Variants in PLCH1 observed in about 807,000 individuals in gnomAD.
The protein encoded by PLCH1 is 1-phosphatidylinositol 4,5-bisphosphate phosphodiesterase eta-1.
Under a neutral mutation model 126.7 loss-of-function variants are expected in PLCH1, and 60 were observed. That is an observed-to-expected ratio of 0.47 (90% confidence interval 0.38 to 0.59). The LOEUF (loss-of-function observed/expected upper bound fraction) is 0.59, where lower values mean the gene tolerates loss of function less well. PLCH1 is among the 20% of genes least tolerant of loss of function. The pLI, the probability that PLCH1 is intolerant of heterozygous loss-of-function variation, is 0.00. For synonymous variants in PLCH1, 719 were observed against 734.9 expected (o/e 0.98, Z 0.35); for missense variants, 1,723 against 2,040.0 (o/e 0.84, Z 2.99).
At chr3:155,715,247 C>A (rs1747417297) in intron 1 of PLCH1, among the ~76,000 whole-genome samples, 1 of 152,070 alleles carries the variant, frequency 6.6e-6, no homozygotes, top group Non-Finnish European at 1.5e-5. Context: ...ATATTGCTAG[C>A]TTTTACAGTA....
intron 21 of PLCH1, among the ~76,000 whole-genome samples, chr3:155,465,041 G>C (rs1386800641): frequency 6.6e-6 from 1 of 151,386 alleles, no homozygotes; most frequent in South Asian, 2.1e-4. Flanking sequence ...CCTGGGAGGT[G>C]GAGCTTGCAA....
intron 8 of PLCH1, among the ~76,000 whole-genome samples, chr3:155,555,241 T>C (rs2108473396): frequency 6.6e-6 from 1 of 152,378 alleles, no homozygotes; most frequent in East Asian, 1.9e-4. Context: ...AATCATTCAC[T>C]AACCCTGTTT....
intron 10 of PLCH1, among the ~76,000 whole-genome samples, chr3:155,536,532 C>G (rs1723378361): frequency 6.6e-6 from 1 of 152,088 alleles, no homozygotes; most frequent in African/African-American, 2.4e-5. Flanking sequence ...GCAAAATACA[C>G]TGGAAAGTTT....
chr3:155,609,611 C>G (rs1405226874), intron 2 of PLCH1, among the ~76,000 whole-genome samples: 1 of 151,430 alleles, frequency 6.6e-6, no homozygotes, highest in African/African-American at 2.4e-5. Flanking sequence ...CAAGAAGATA[C>G]CAGAGAAAGG....
At chr3:155,716,666 C>T (rs1747534207) in intron 1 of PLCH1, among the ~76,000 whole-genome samples, 1 of 152,196 alleles carries the variant, frequency 6.6e-6, no homozygotes, top group Non-Finnish European at 1.5e-5. Flanking sequence ...CAAGGCATGA[C>T]AGCACCATGT....
chr3:155,481,088 C>G lies in PLCH1; in HGVS notation c.4938G>C (p.Glu1646Asp), dbSNP rs370336018. 3 of 1,614,084 alleles carry G rather than the reference C, an allele frequency of 1.9e-6. No homozygotes were observed. The highest frequency in any genetic ancestry group is 2.7e-5 in the African/African-American group (2 of 74,948). Reference sequence around the variant, plus strand: ...CATAGTGAAGAGCCGTGCATGCCCCCTCTGGGATGCCCCGGCCTTCAAGGC... The same window carrying G: ...CATAGTGAAGAGCCGTGCATGCCCCGTCTGGGATGCCCCGGCCTTCAAGGC... ...GGGLEGRGIPEGACTALHYGH... is the reference protein window; with the variant it reads ...GGGLEGRGIPDGACTALHYGH... Residue 1646 changes from glutamate to aspartate, a missense_variant, in exon 23 of 23, where the codon GAG (glutamate) becomes GAC (aspartate). By Grantham distance (45) the Glu-to-Asp change is conservative (BLOSUM62 2). This residue lies in a region of PLCH1 where 947 missense variants were observed against 977.1 expected (regional missense o/e 0.97). Transcript: ENST00000460012. This position sits in a 1 kb window ranked among gnomAD's most constrained non-coding sequence, Gnocchi z 4.2.
chr3:155,626,756 G>C (rs1247291516), intron 2 of PLCH1, among the ~76,000 whole-genome samples: 2 of 102,984 alleles, frequency 1.9e-5, no homozygotes, highest in African/African-American at 7.9e-5. Context: ...GCCACAGAGC[G>C]AGACTCCGTC....
At chr3:155,603,115 T>C (rs1287080812) in intron 2 of PLCH1, among the ~76,000 whole-genome samples, 1 of 151,920 alleles carries the variant, frequency 6.6e-6, no homozygotes, top group Admixed American at 6.6e-5. Context: ...CACTGATCAT[T>C]GAACTGTGAA....
chr3:155,715,290 C>G (rs1489524469), intron 1 of PLCH1, among the ~76,000 whole-genome samples: 1 of 151,368 alleles, frequency 6.6e-6, no homozygotes, highest in Non-Finnish European at 1.5e-5. Flanking sequence ...TTATTACTAT[C>G]ATTTCCTTCC....
chr3:155,498,501 C>T (rs543481191), intron 14 of PLCH1, among the ~76,000 whole-genome samples: 16 of 152,278 alleles, frequency 1.1e-4, no homozygotes, highest in African/African-American at 3.9e-4. Context: ...AGGCTGGATT[C>T]CCACTGTGAC....
chr3:155,710,599 G>A (rs1158467107), intron 1 of PLCH1, among the ~76,000 whole-genome samples: 2 of 152,062 alleles, frequency 1.3e-5, no homozygotes, highest in South Asian at 4.1e-4. Flanking sequence ...TTGGGAGGCC[G>A]AGGTGGGCAG....
At chr3:155,505,891 G>GTTT (rs545714401) in intron 12 of PLCH1, among the ~76,000 whole-genome samples, 2 of 147,994 alleles carry the variant, frequency 1.4e-5, no homozygotes, top group African/African-American at 5.0e-5. Flanking sequence ...CTCTTGGTCC[G>GTTT]CTTTTTTTTT....
intron 2 of PLCH1, among the ~76,000 whole-genome samples, chr3:155,693,664 T>G (rs546793444): frequency 6.6e-6 from 1 of 152,332 alleles, no homozygotes; most frequent in East Asian, 1.9e-4. Flanking sequence ...ATGTGGTGGC[T>G]CATGCCTGTA....
At chr3:155,491,950 G>A (rs978062525) in intron 18 of PLCH1, among the ~76,000 whole-genome samples, 8 of 152,166 alleles carry the variant, frequency 5.3e-5, no homozygotes, top group Non-Finnish European at 7.3e-5. Flanking sequence ...AGTTCTGGGC[G>A]ACGAACAATG....
chr3:155,506,601 T>A (rs1294889150), intron 12 of PLCH1, among the ~76,000 whole-genome samples: 4 of 135,224 alleles, frequency 3.0e-5, no homozygotes, highest in South Asian at 2.6e-4. Context: ...GAATATGCGG[T>A]GTTTGGTTTT....
chr3:155,725,078 T>G (rs1748223728), intron 1 of PLCH1, among the ~76,000 whole-genome samples: 1 of 152,172 alleles, frequency 6.6e-6, no homozygotes, highest in African/African-American at 2.4e-5. Context: ...GATAATTGTT[T>G]TGTTTAAGGA....
chr3:155,565,698 A>T lies in PLCH1; in HGVS notation c.866-580T>A, dbSNP rs1011245018. ...TTTCCTTCTTTATTTTATTTTATTT[A>T]TTTATTTTTTTTTTTGAGATGGAGT... On this transcript the variant is annotated intron_variant, in intron 7 of 22. Coordinates refer to ENST00000460012, the MANE Select transcript of PLCH1 (RefSeq NM_014996.4). Among the ~76,000 whole-genome samples the T allele has an allele frequency of 1.2e-3, 120 of 98,658 alleles. 1 individual carries two copies. The highest frequency in any genetic ancestry group is 3.2e-3 in the African/African-American group (112 of 34,492). The allele number at this position is 98,658 out of a possible 152,430, so 64.7% of individuals were successfully genotyped here.
chr3:155,685,145 C>T (rs1744837452), intron 2 of PLCH1, among the ~76,000 whole-genome samples: 1 of 152,066 alleles, frequency 6.6e-6, no homozygotes. Flanking sequence ...GATAGTTTTC[C>T]AATTGTCGGA....
intron 2 of PLCH1, among the ~76,000 whole-genome samples, chr3:155,633,626 A>G (rs1386245708): frequency 6.6e-6 from 1 of 152,254 alleles, no homozygotes; most frequent in Non-Finnish European, 1.5e-5. Context: ...ATTATAGCAG[A>G]AACTCCATGG....
Sources: allele counts gnomAD v4.1 joint callset (sites outside exome capture counted in the v4.1 genomes callset), GRCh38; gene constraint gnomAD v4.1.1; regional missense constraint gnomAD v4.1.1; non-coding constraint Gnocchi (gnomAD v3.1); transcripts MANE v1.5; gene names NCBI Gene and HGNC (gene_info 2026-07-23, HGNC 2026-07-21).